The following GRIA4 variants were observed in gnomAD, a reference collection of about 807,000 sequenced individuals.
The protein encoded by GRIA4 is glutamate ionotropic receptor AMPA type subunit 4.
In GRIA4, 34 loss-of-function variants were observed where a neutral mutation model predicts 104.0. That is an observed-to-expected ratio of 0.33 (90% CI 0.25 to 0.44). GRIA4 has a LOEUF of 0.44. Among genes scored for constraint, GRIA4 ranks in the 20% least tolerant of loss-of-function variants. GRIA4 has a pLI of 1.00. For synonymous variants in GRIA4, 386 were observed against 381.9 expected (o/e 1.01, Z -0.13); for missense variants, 750 against 1,096.5 (o/e 0.68, Z 4.46).
Position 105,898,438 on chromosome 11 carries a change from A to G in GRIA4, c.885+11A>G, listed in dbSNP as rs1332786087. The G allele has an allele frequency of 6.8e-7, 1 of 1,461,714 alleles. No individual in the cohort carries two copies. The highest frequency in any genetic ancestry group is 2.3e-5 in the East Asian group (1 of 43,924). The allele number at this position is 1,461,714 out of a possible 1,614,324, so 90.5% of individuals were successfully genotyped here. A position where few individuals can be genotyped will look rare whatever the true frequency, so the allele number is the denominator to read the frequency against. On this transcript the variant is annotated intron_variant, in intron 7 of 16. Coordinates refer to ENST00000282499, the MANE Select transcript of GRIA4 (RefSeq NM_000829.4). ...GAGACTCCTCCAAAGGTATTTGTTT[A>G]TTTTTATCTACTGTATTACTGATAG...
At chr11:105,833,173 T>C (rs1193201404) in intron 4 of GRIA4, among the ~76,000 whole-genome samples, 2 of 151,944 alleles carry the variant, frequency 1.3e-5, no homozygotes, top group Non-Finnish European at 2.9e-5. Flanking sequence ...ATACAACAGA[T>C]CTTTACTGGA....
chr11:105,797,775 T>G (rs1177072640), intron 4 of GRIA4: 1 of 455,258 alleles, frequency 2.2e-6, no homozygotes, highest in Non-Finnish European at 4.4e-6. Flanking sequence ...TGCCAAGTTC[T>G]GTTGTTCACT....
chr11:105,807,964 C>T (rs992748139), intron 4 of GRIA4, among the ~76,000 whole-genome samples: 1 of 151,796 alleles, frequency 6.6e-6, no homozygotes, highest in African/African-American at 2.4e-5. Flanking sequence ...TTTATTTGAT[C>T]TACTTCAATT....
At chr11:105,666,080 T>C (rs1301205960) in intron 3 of GRIA4, among the ~76,000 whole-genome samples, 3 of 152,072 alleles carry the variant, frequency 2.0e-5, no homozygotes, top group African/African-American at 7.2e-5. Context: ...AATGTTTTTC[T>C]GTATAGAGGT....
rs553482780 is a variant in GRIA4, at chr11:105,951,311, T to C, written c.2294+17342T>C. 3.6e-4 allele frequency among the ~76,000 whole-genome samples: 55 copies of C among 152,214 alleles called. 1 individual carries two copies. The highest frequency in any genetic ancestry group is 5.1e-4 in the Non-Finnish European group (35 of 68,034). On this transcript the variant is annotated intron_variant, in intron 14 of 16. Transcript: ENST00000282499. ...TGTTGAACAGCTCACATGCTGTTTATGTAACAGAGACCAGTTCTTATATTT... is the reference window on the plus strand; with the variant it reads ...TGTTGAACAGCTCACATGCTGTTTACGTAACAGAGACCAGTTCTTATATTT...
intron 3 of GRIA4, among the ~76,000 whole-genome samples, chr11:105,692,310 T>C (rs1173570094): frequency 6.6e-6 from 1 of 152,070 alleles, no homozygotes. Flanking sequence ...TAAGACACCA[T>C]AGCAAACATT....
intron 14 of GRIA4, among the ~76,000 whole-genome samples, chr11:105,964,098 C>G (rs1228380214): frequency 1.3e-5 from 2 of 151,822 alleles, no homozygotes; most frequent in Admixed American, 1.3e-4. Flanking sequence ...CCTTTTTTCC[C>G]AGCAGAATTT....
At chr11:105,742,557 CACAT>C (rs1939375390) in intron 3 of GRIA4, among the ~76,000 whole-genome samples, 1 of 151,776 alleles carries the variant, frequency 6.6e-6, no homozygotes, top group Non-Finnish European at 1.5e-5. Context: ...CACACACACA[CACAT>C]ATACATGTGT....
chr11:105,611,098 C>A lies in GRIA4; in HGVS notation c.88+13C>A, dbSNP rs761485527. 3 of 1,589,532 alleles carry A rather than the reference C, an allele frequency of 1.9e-6. No individual in the cohort carries two copies. The South Asian group carries it at 3.3e-5, about 18-fold the overall frequency. ...AGCGTGCAAATAGGTAAGGTGTGCTCCGATGGGGTGTGCATGTGGCTGGTT... is the reference window on the plus strand; with the variant it reads ...AGCGTGCAAATAGGTAAGGTGTGCTACGATGGGGTGTGCATGTGGCTGGTT... On this transcript the variant is annotated intron_variant, in intron 2 of 16. Transcript: ENST00000282499.
intron 3 of GRIA4, among the ~76,000 whole-genome samples, chr11:105,663,412 A>G (rs1445613): frequency 0.49 from 74,294 of 151,692 alleles, 18,584 homozygotes; most frequent in Admixed American, 0.58. Context: ...CTCTACAGAT[A>G]AGTAAGGCAC....
chr11:105,695,478 CTGTGTGTGTGTGTGTGTGTGTGTCTGTG>C (rs1431594954), intron 3 of GRIA4, among the ~76,000 whole-genome samples: 4 of 135,150 alleles, frequency 3.0e-5, no homozygotes, highest in Non-Finnish European at 4.8e-5. Flanking sequence ...GTGTGTGTGT[CTGTGTGTGTGTGTGTGTGTGTGTCTGTG>C]TGTGTGTGCG....
Position 105,979,441 on chromosome 11 carries a change from T to C in GRIA4, c.2545-134T>C, listed in dbSNP as rs1859162070. 5.3e-6 allele frequency: 4 copies of C among 753,936 alleles called. No homozygotes were observed. The South Asian group carries it at 7.2e-5, about 14-fold the overall frequency. The allele number at this position is 753,936 out of a possible 1,614,324, so 46.7% of individuals were successfully genotyped here. On this transcript the variant is annotated intron_variant, in intron 16 of 16. Transcript: ENST00000282499. ...TTTCCCTGGATAAGCAGTTTTCATA[T>C]GACCAAAAGAACATGGAAAAAATGC...
At chr11:105,619,644 T>C (rs1199911549) in intron 3 of GRIA4, among the ~76,000 whole-genome samples, 1 of 151,894 alleles carries the variant, frequency 6.6e-6, no homozygotes, top group Non-Finnish European at 1.5e-5. Context: ...CACTGATAGA[T>C]TAAAGGAGGT....
intron 3 of GRIA4, among the ~76,000 whole-genome samples, chr11:105,748,544 T>G (rs146736000): frequency 3.3e-5 from 5 of 151,976 alleles, no homozygotes; most frequent in African/African-American, 1.2e-4. Context: ...CAGCACGCCC[T>G]GCTAATTTTT....
At position 105,903,828 on chromosome 11, in the gene GRIA4, G is replaced by A; in HGVS notation, c.900G>A (p.Leu300=). ...SETPPKYTSA[L]TYDGVLVMAE... Reference sequence around the variant, plus strand: ...CATTTGGTTAGTACACCTCTGCTCTGACTTATGATGGAGTCCTTGTGATGG... The same window carrying A: ...CATTTGGTTAGTACACCTCTGCTCTAACTTATGATGGAGTCCTTGTGATGG... Residue 300 remains leucine (L), a synonymous_variant, in exon 8 of 17, where the codon CTG becomes CTA. Coordinates refer to ENST00000282499, the MANE Select transcript of GRIA4 (RefSeq NM_000829.4). The A allele has an allele frequency of 1.2e-6, 2 of 1,609,586 alleles. No homozygotes were observed. The highest frequency in any genetic ancestry group is 1.7e-6 in the Non-Finnish European group (2 of 1,175,886).
chr11:105,872,352 G>A (rs1413549994), intron 5 of GRIA4, among the ~76,000 whole-genome samples: 1 of 152,024 alleles, frequency 6.6e-6, no homozygotes, highest in Admixed American at 6.6e-5. Context: ...AGGGGCTAGG[G>A]TGAGAACATC....
intron 3 of GRIA4, among the ~76,000 whole-genome samples, chr11:105,712,699 T>C (rs1209283127): frequency 8.1e-6 from 1 of 123,776 alleles, no homozygotes; most frequent in Non-Finnish European, 1.7e-5. Flanking sequence ...GTTTTTGTTT[T>C]TGTTTTGCTT....
intron 3 of GRIA4, among the ~76,000 whole-genome samples, chr11:105,747,267 C>G (rs763023397): frequency 1.3e-5 from 2 of 152,116 alleles, no homozygotes; most frequent in Non-Finnish European, 2.9e-5. Flanking sequence ...CTTAAATTCT[C>G]ACAAATAGAG....
chr11:105,861,736 T>A (rs566427638), intron 4 of GRIA4, among the ~76,000 whole-genome samples: 2 of 152,186 alleles, frequency 1.3e-5, no homozygotes, highest in Non-Finnish European at 1.5e-5. Context: ...GGTTTGGGGT[T>A]TGTCTCATCA....
Sources: allele counts gnomAD v4.1 joint callset (sites outside exome capture counted in the v4.1 genomes callset), GRCh38; gene constraint gnomAD v4.1.1; transcripts MANE v1.5; gene names NCBI Gene and HGNC (gene_info 2026-07-23, HGNC 2026-07-21).